The following GEN1 variants were observed in gnomAD, a reference collection of about 807,000 sequenced individuals.
GEN1 encodes GEN1 structure-specific endonuclease.
A neutral mutation model predicts 67.6 loss-of-function variants in GEN1; 64 were observed. The ratio of observed to expected loss-of-function variants is 0.95; its 90% CI spans 0.77 to 1.17. GEN1 has a LOEUF of 1.17. Among genes scored for constraint, GEN1 ranks in the 50% most tolerant of loss-of-function variants. The pLI is 0.00. For missense variants in GEN1, 1,058 were observed against 1,048.3 expected (o/e 1.01, Z -0.13); for synonymous variants, 371 against 359.4 (o/e 1.03, Z -0.37).
In GEN1 at chr2:17,778,266, G is replaced by GTA. The variant is rs1375766833; in HGVS notation, c.1264+204_1264+205dup. ...CATATATGTATACACACATATGTGT[G>GTA]TACATATATGTATATACACACACAT... On this transcript the variant is annotated intron_variant, in intron 12 of 13. Coordinates refer to ENST00000381254, the MANE Select transcript of GEN1 (RefSeq NM_001130009.3). Among the ~76,000 whole-genome samples the GTA allele has an allele frequency of 1.2e-4, 12 of 101,392 alleles. 3 individuals are homozygous for GTA. The highest frequency in any genetic ancestry group is 1.6e-4 in the Non-Finnish European group (8 of 49,096). 66.5% of individuals were successfully genotyped at this position (101,392 alleles called of 152,430 possible).
intron 7 of GEN1, among the ~76,000 whole-genome samples, chr2:17,771,824 T>C (rs1288979250): frequency 6.6e-6 from 1 of 151,208 alleles, no homozygotes; most frequent in Non-Finnish European, 1.5e-5. Context: ...ACGTACTGGA[T>C]CAGAAAGGCC....
chr2:17,771,142 C>A (rs577735722), intron 6 of GEN1, 54 bp from the exon 7 acceptor site: 1 of 995,168 alleles, frequency 1.0e-6, no homozygotes, highest in Non-Finnish European at 1.6e-6. Context: ...GAGAACATAC[C>A]GTTTTTGTGA....
chr2:17,755,626 AT>A (rs1276314557), intron 1 of GEN1: 1 of 152,200 alleles, frequency 6.6e-6, no homozygotes, highest in Non-Finnish European at 1.5e-5. Flanking sequence ...CTTTATATGA[AT>A]ATATACTCAT....
At chr2:17,780,548 TA>T (rs1672774056) in intron 13 of GEN1, 72 bp from the exon 14 acceptor site, 3 of 1,021,232 alleles carry the variant, frequency 2.9e-6, no homozygotes, top group South Asian at 1.7e-5. Flanking sequence ...CTGAACTGTT[TA>T]TTTTTTTATT....
chr2:17,779,986 G>T lies in GEN1; in HGVS notation c.1273G>T (p.Ala425Ser), dbSNP rs1179060402. The change falls in exon 13 of 14, where the codon GCT becomes TCT. Residue 425 changes from alanine (A) to serine (S), a missense_variant. Physicochemically the swap from Ala to Ser is moderately conservative, Grantham distance 99. Transcript: ENST00000381254. ...TATTTTTAATCTTTTAGAACATTATGCTATGGAAGATAAACAACATGGAGA... is the reference window on the plus strand; with the variant it reads ...TATTTTTAATCTTTTAGAACATTATTCTATGGAAGATAAACAACATGGAGA... ...EIEWEKPEHYAMEDKQHGEFA... is the reference protein window; with the variant it reads ...EIEWEKPEHYSMEDKQHGEFA... 6.2e-7 allele frequency: 1 copy of T among 1,600,732 alleles called. No individual in the cohort carries two copies. Among genetic ancestry groups the T allele is most frequent in the Non-Finnish European group, 8.6e-7 (1 of 1,169,306 alleles).
chr2:17,761,327 G>A (rs1178060150), intron 2 of GEN1, 69 bp from the exon 3 acceptor site: 4 of 811,784 alleles, frequency 4.9e-6, no homozygotes, highest in Non-Finnish European at 7.9e-6. Context: ...TCTTGCCTTT[G>A]TGTTATACTA....
rs1199190270 is a variant in GEN1, at chr2:17,784,938, G to A, written c.*2999G>A. The A allele has an allele frequency of 6.6e-6, 1 of 152,372 alleles. No individual in the cohort carries two copies. The highest frequency in any genetic ancestry group is 1.9e-4 in the East Asian group (1 of 5,184). 9.4% of individuals were successfully genotyped at this position (152,372 alleles called of 1,614,324 possible). A position where few individuals can be genotyped will look rare whatever the true frequency, so the allele number is the denominator to read the frequency against. Reference sequence around the variant, plus strand: ...ACAGGTACCAGTCCATCACCTGTCAGGAACCGGCCTGCACAGCAGGTGTTG... The same window carrying A: ...ACAGGTACCAGTCCATCACCTGTCAAGAACCGGCCTGCACAGCAGGTGTTG... On this transcript the variant is annotated 3_prime_UTR_variant, in exon 14 of 14. Transcript: ENST00000381254.
chr2:17,760,990 C>T (rs978435807), intron 2 of GEN1, among the ~76,000 whole-genome samples: 2 of 149,814 alleles, frequency 1.3e-5, no homozygotes, highest in South Asian at 2.1e-4. Context: ...TAGCACTTTG[C>T]GAGGCTGAGA....
Position 17,766,599 on chromosome 2 carries a change from C to G in GEN1, c.546C>G (p.Tyr182Ter). ...TTTAGGACCCACATGTTGACTGTTA[C>G]ACAATGTCATCTATCAAGAGTAAAC... The part of the protein sequence containing the change: ...MNTKDPHVDC[Y>*]TMSSIKSKLG... Residue 182 changes from tyrosine (Y) to a stop codon, truncating the protein, a stop_gained, in exon 5 of 14, where the codon TAC (tyrosine) becomes TAG (stop). Coordinates refer to ENST00000381254, the MANE Select transcript of GEN1 (RefSeq NM_001130009.3). LOFTEE classifies it high-confidence loss of function. The G allele has an allele frequency of 3.8e-6, 6 of 1,596,084 alleles. No individual in the cohort carries two copies. The highest frequency in any genetic ancestry group is 1.1e-5 in the South Asian group (1 of 89,882).
chr2:17,761,968 C>T (rs1356675317), intron 3 of GEN1, among the ~76,000 whole-genome samples: 2 of 152,096 alleles, frequency 1.3e-5, no homozygotes, highest in Admixed American at 1.3e-4. Context: ...CATGAGATCT[C>T]ATTAATTCGT....
At chr2:17,778,221 C>CACACATATATGTGTGTACATATATGTAT (rs1558408739) in intron 12 of GEN1, among the ~76,000 whole-genome samples, 158 bp downstream of exon 12, 6 of 117,422 alleles carry the variant, frequency 5.1e-5, no homozygotes, top group Admixed American at 2.8e-4. Flanking sequence ...TATATGTATA[C>CACACATATATGTGTGTACATATATGTAT]ACACACATAT....
At position 17,783,664 on chromosome 2, in the gene GEN1, T is replaced by C. The variant is rs1302555392; in HGVS notation, c.*1725T>C. On this transcript the variant is annotated 3_prime_UTR_variant, in exon 14 of 14. Transcript: ENST00000381254. ...TATAGGTCAATATAGATCAATGGCA[T>C]AGAATTGAGAATTCAGAAAAAAAGC... is the stretch of plus-strand genomic sequence containing the variant. 6.6e-6 allele frequency: 1 copy of C among 152,218 alleles called. No individual in the cohort carries two copies. The highest frequency in any genetic ancestry group is 1.5e-5 in the Non-Finnish European group (1 of 68,042). 9.4% of individuals were successfully genotyped at this position (152,218 alleles called of 1,614,324 possible). A position where few individuals can be genotyped will look rare whatever the true frequency, so the allele number is the denominator to read the frequency against.
intron 11 of GEN1, among the ~76,000 whole-genome samples, chr2:17,775,692 A>G (rs1248547206): frequency 2.0e-5 from 3 of 152,252 alleles, no homozygotes; most frequent in Non-Finnish European, 4.4e-5. Flanking sequence ...CAAAGGAAAA[A>G]TGGTATCTTC....
rs970485444 is a variant in GEN1, at chr2:17,782,131, T to G, written c.*192T>G. ...TCTGGTTTTAAAAGATCCTCTGTAT[T>G]GAAAACTTCTGATAATGTATGTCAT... On this transcript the variant is annotated 3_prime_UTR_variant, in exon 14 of 14. Coordinates refer to ENST00000381254, the MANE Select transcript of GEN1 (RefSeq NM_001130009.3). The G allele has an allele frequency of 1.8e-5, 8 of 457,004 alleles. No homozygotes were observed. The South Asian group carries it at 3.5e-4, about 20-fold the overall frequency. The allele number at this position is 457,004 out of a possible 1,614,324, so 28.3% of individuals were successfully genotyped here. A position where few individuals can be genotyped will look rare whatever the true frequency, so the allele number is the denominator to read the frequency against.
In GEN1 at chr2:17,788,007, C is replaced by T. The variant is rs952767554; in HGVS notation, c.*6068C>T. ...CAGTCAGGGTCTTAGTTCTAAATTT[C>T]TCTGTGGAGAGAGACCAAATCTAAC... On this transcript the variant is annotated 3_prime_UTR_variant, in exon 14 of 14. Coordinates refer to ENST00000381254, the MANE Select transcript of GEN1 (RefSeq NM_001130009.3). 1 of 152,234 alleles carries T rather than the reference C, an allele frequency of 6.6e-6. No individual in the cohort carries two copies. The highest frequency in any genetic ancestry group is 2.4e-5 in the African/African-American group (1 of 41,456). The allele number at this position is 152,234 out of a possible 1,614,324, so 9.4% of individuals were successfully genotyped here. A position where few individuals can be genotyped will look rare whatever the true frequency, so the allele number is the denominator to read the frequency against.
chr2:17,774,259 T>G lies in GEN1; in HGVS notation c.1072-12T>G. 1 of 1,430,006 alleles carries G rather than the reference T, an allele frequency of 7.0e-7. No individual in the cohort carries two copies. The highest frequency in any genetic ancestry group is 9.4e-7 in the Non-Finnish European group (1 of 1,060,394). 88.6% of individuals were successfully genotyped at this position (1,430,006 alleles called of 1,614,324 possible). ...ATAACAAAATCTTGTTTTATTTTTA[T>G]TATATTTATAGAGATTTACTCTTGA... On this transcript the variant is annotated splice_polypyrimidine_tract_variant and intron_variant, in intron 10 of 13. Coordinates refer to ENST00000381254, the MANE Select transcript of GEN1 (RefSeq NM_001130009.3).
Position 17,786,285 on chromosome 2 carries a change from C to T in GEN1, c.*4346C>T, listed in dbSNP as rs1673057109. 6.6e-6 allele frequency: 1 copy of T among 152,158 alleles called. No individual in the cohort carries two copies. The highest frequency in any genetic ancestry group is 2.4e-5 in the African/African-American group (1 of 41,426). 9.4% of individuals were successfully genotyped at this position (152,158 alleles called of 1,614,324 possible). ...TGGATTCAAACTGAATGCAGCCAAG[C>T]ACTGCCTTTTGGTAAAAATGTGGAC... On this transcript the variant is annotated 3_prime_UTR_variant, in exon 14 of 14. Transcript: ENST00000381254.
rs1274593885 is a variant in GEN1 at position 17,779,972 on chromosome 2, T to C, written c.1265-6T>C. ...AGGACACTTTGCTGTATTTTTAATCTTTTAGAACATTATGCTATGGAAGAT... is the reference window on the plus strand; with the variant it reads ...AGGACACTTTGCTGTATTTTTAATCCTTTAGAACATTATGCTATGGAAGAT... On this transcript the variant is annotated splice_polypyrimidine_tract_variant and splice_region_variant and intron_variant, in intron 12 of 13. Transcript: ENST00000381254. The C allele has an allele frequency of 1.0e-5, 16 of 1,595,436 alleles. No individual in the cohort carries two copies. The highest frequency in any genetic ancestry group is 3.3e-4 in the Middle Eastern group (2 of 5,980).
At position 17,778,347 on chromosome 2, in the gene GEN1, CATGTGTGTACAT is replaced by C. The variant is rs1672624059; in HGVS notation, c.1264+287_1264+298del. On this transcript the variant is annotated intron_variant, in intron 12 of 13. Coordinates refer to ENST00000381254, the MANE Select transcript of GEN1 (RefSeq NM_001130009.3). ...ACGTGTACATATATGTATACACACA[CATGTGTGTACAT>C]ATATGTATATACACACACATATATG... 4.0e-3 allele frequency among the ~76,000 whole-genome samples: 141 copies of C among 35,162 alleles called. 51 individuals carry two copies. Among genetic ancestry groups the C allele is most frequent in the Admixed American group, 0.026 (59 of 2,258 alleles). 23.1% of individuals were successfully genotyped at this position (35,162 alleles called of 152,430 possible). A position where few individuals can be genotyped will look rare whatever the true frequency, so the allele number is the denominator to read the frequency against.
Sources: gnomAD v4.1 joint callset for allele counts (sites outside exome capture counted in the v4.1 genomes callset) on GRCh38, gnomAD v4.1.1 for gene constraint, MANE v1.5 for transcripts, NCBI Gene and HGNC (gene_info 2026-07-23, HGNC 2026-07-21) for gene names.